The following IFT56 variants were observed in gnomAD, a reference collection of about 807,000 sequenced individuals.
IFT56 encodes the protein intraflagellar transport 56, also known as intraflagellar transport protein 56.
At chr7:139,139,646 A>G in the IFT56 span, among the ~76,000 whole-genome samples, 10 of 152,206 alleles carry the variant, frequency 6.6e-5, no homozygotes, top group African/African-American at 2.4e-4. Flanking sequence ...GTTAGTCCCT[A>G]TCAGTATTAA....
At chr7:139,136,507 T>TGG in the IFT56 span, among the ~76,000 whole-genome samples, 2 of 152,192 alleles carry the variant, frequency 1.3e-5, no homozygotes, top group Non-Finnish European at 2.9e-5. Flanking sequence ...TGGAATGCAG[T>TGG]GGCGTGATGG....
the IFT56 span, chr7:139,147,105 T>C: frequency 6.2e-7 from 1 of 1,608,444 alleles, no homozygotes; most frequent in Non-Finnish European, 8.5e-7. Context: ...ACAACACTAA[T>C]ATGAATCTTT....
chr7:139,174,011 A>G, the IFT56 span: 2 of 616,994 alleles, frequency 3.2e-6, no homozygotes, highest in African/African-American at 3.7e-5. Context: ...CATCTTTTTC[A>G]TCAATGAGGA....
At chr7:139,142,656 C>G in the IFT56 span, among the ~76,000 whole-genome samples, 1 of 152,130 alleles carries the variant, frequency 6.6e-6, no homozygotes, top group Non-Finnish European at 1.5e-5. Flanking sequence ...ATGGTGAAAC[C>G]ATGTGTCTAC....
At chr7:139,165,083 A>T in the IFT56 span, 3 of 1,458,430 alleles carry the variant, frequency 2.1e-6, no homozygotes, top group South Asian at 1.2e-5. Flanking sequence ...TGTCACCAAT[A>T]AATATATACA....
chr7:139,174,014 A>G, the IFT56 span: 1 of 619,882 alleles, frequency 1.6e-6, no homozygotes, highest in African/African-American at 1.9e-5. Context: ...CTTTTTCATC[A>G]ATGAGGAGGC....
chr7:139,165,707 T>C, the IFT56 span, among the ~76,000 whole-genome samples: 1 of 152,200 alleles, frequency 6.6e-6, no homozygotes, highest in South Asian at 2.1e-4. Context: ...TGATATTTAT[T>C]GCCCCTAAGT....
At chr7:139,190,779 T>C in the IFT56 span, 1 of 152,198 alleles carries the variant, frequency 6.6e-6, no homozygotes, top group African/African-American at 2.4e-5. Context: ...TCTTTCTATG[T>C]TTTATACTAC....
At chr7:139,146,936 C>G in the IFT56 span, 1 of 1,448,612 alleles carries the variant, frequency 6.9e-7, no homozygotes. Flanking sequence ...TTTCCATTGT[C>G]GTTGTCAAGC....
At chr7:139,139,837 C>A in the IFT56 span, 1 of 1,144,050 alleles carries the variant, frequency 8.7e-7, no homozygotes, top group Non-Finnish European at 1.3e-6. Flanking sequence ...GGAAGAATGG[C>A]CCATCAATTG....
the IFT56 span, among the ~76,000 whole-genome samples, chr7:139,135,705 T>TA: frequency 3.3e-5 from 5 of 152,128 alleles, no homozygotes; most frequent in Admixed American, 2.6e-4. Flanking sequence ...GACTGTGCTT[T>TA]AAAAAACTGC....
the IFT56 span, among the ~76,000 whole-genome samples, chr7:139,156,525 CA>C: frequency 1.3e-5 from 2 of 151,860 alleles, no homozygotes; most frequent in Non-Finnish European, 2.9e-5. Flanking sequence ...TTGTATCTTT[CA>C]TTTATCTCAA....
At chr7:139,162,391 A>T in the IFT56 span, among the ~76,000 whole-genome samples, 6 of 152,242 alleles carry the variant, frequency 3.9e-5, no homozygotes, top group African/African-American at 7.2e-5. Flanking sequence ...TGAAATAGGG[A>T]TAATTCTTAG....
the IFT56 span, chr7:139,146,940 G>C: frequency 6.8e-7 from 1 of 1,474,448 alleles, no homozygotes; most frequent in Non-Finnish European, 9.1e-7. Context: ...CATTGTCGTT[G>C]TCAAGCTATG....
At chr7:139,189,406 GC>G in the IFT56 span, 1 of 1,612,854 alleles carries the variant, frequency 6.2e-7, no homozygotes, top group Non-Finnish European at 8.5e-7. Flanking sequence ...GAAGAAATGG[GC>G]CAAAGAAAAC....
the IFT56 span, chr7:139,169,232 T>TAATAA: frequency 2.1e-6 from 3 of 1,413,876 alleles, no homozygotes; most frequent in African/African-American, 2.9e-5. Flanking sequence ...CCATATAGTA[T>TAATAA]AATAAAATAA....
At chr7:139,137,208 G>A in the IFT56 span, among the ~76,000 whole-genome samples, 1 of 152,148 alleles carries the variant, frequency 6.6e-6, no homozygotes, top group Non-Finnish European at 1.5e-5. Flanking sequence ...TCCAAAATAA[G>A]GCTTTTCTTT....
the IFT56 span, among the ~76,000 whole-genome samples, chr7:139,159,262 T>C: frequency 6.6e-6 from 1 of 152,206 alleles, no homozygotes; most frequent in Non-Finnish European, 1.5e-5. Flanking sequence ...ATTCAGTTCC[T>C]TTAGTGGTTA....
the IFT56 span, chr7:139,189,201 G>T: frequency 1.2e-5 from 8 of 663,884 alleles, no homozygotes; most frequent in South Asian, 1.7e-4. Context: ...CACAGTGAAA[G>T]AGTCTATTAC....
Sources: gnomAD v4.1 joint callset for allele counts (sites outside exome capture counted in the v4.1 genomes callset) on GRCh38, gnomAD v4.1.1 for gene constraint, MANE v1.5 for transcripts, NCBI Gene and HGNC (gene_info 2026-07-23, HGNC 2026-07-21) for gene names.